The following LRRC47 variants were observed in gnomAD, a reference collection of about 807,000 sequenced individuals.
LRRC47 encodes leucine-rich repeat-containing protein 47.
In LRRC47, 31 loss-of-function variants were observed where a neutral mutation model predicts 40.9. The observed-to-expected ratio is 0.76, with a 90% CI of 0.57 to 1.02. The LOEUF is 1.02. Ranked by LOEUF, LRRC47 falls within the 50% of genes least tolerant of loss-of-function variation. The pLI, the probability that LRRC47 is intolerant of heterozygous loss-of-function variation, is 0.00. For missense variants in LRRC47, 726 were observed against 796.1 expected (o/e 0.91, Z 1.06); for synonymous variants, 427 against 371.9 (o/e 1.15, Z -1.70).
intron 1 of LRRC47, among the ~76,000 whole-genome samples, chr1:3,789,233 G>C (rs549522876): frequency 6.6e-6 from 1 of 152,262 alleles, no homozygotes; most frequent in Non-Finnish European, 1.5e-5. Flanking sequence ...TGGCTCCAGC[G>C]TTAGAACCAG....
At position 3,796,411 on chromosome 1, in the gene LRRC47, C is replaced by T; in HGVS notation, c.66G>A (p.Arg22=). 6.6e-7 allele frequency: 1 copy of T among 1,517,196 alleles called. No homozygotes were observed. The highest frequency in any genetic ancestry group is 8.8e-7 in the Non-Finnish European group (1 of 1,140,288). The allele number at this position is 1,517,196 out of a possible 1,614,324, so 94.0% of individuals were successfully genotyped here. A position where few individuals can be genotyped will look rare whatever the true frequency, so the allele number is the denominator to read the frequency against. Reference sequence around the variant, plus strand: ...GCCCGGGCCCCGTCAGCAGCAGCTCCCGCCGCCGCTCGCGCTCAGCCAGCT... The same window carrying T: ...GCCCGGGCCCCGTCAGCAGCAGCTCTCGCCGCCGCTCGCGCTCAGCCAGCT... The part of the protein sequence containing the change: ...ELELAERERR[R]ELLLTGPGLE... The change falls in exon 1 of 7, where the codon CGG becomes CGA. Residue 22 remains arginine (R), a synonymous_variant. Transcript: ENST00000378251.
Position 3,784,131 on chromosome 1 carries a change from A to G in LRRC47, c.1195-20T>C, listed in dbSNP as rs778414118. 1.3e-6 allele frequency: 2 copies of G among 1,585,930 alleles called. No homozygotes were observed. The highest frequency in any genetic ancestry group is 2.3e-5 in the South Asian group (2 of 87,972). On this transcript the variant is annotated intron_variant, in intron 3 of 6. Coordinates refer to ENST00000378251, the MANE Select transcript of LRRC47 (RefSeq NM_020710.3). ...GACAATCTATCGGGCAGAAACCCAC[A>G]AACTCCACTAGGGTCACAGCCACAG...
chr1:3,782,534 T>G, intron 5 of LRRC47, 127 bp downstream of exon 5: 1 of 662,946 alleles, frequency 1.5e-6, no homozygotes, highest in South Asian at 1.7e-5. Context: ...CCTCAGGTGA[T>G]CCGCCCACCT....
In LRRC47 at chr1:3,795,902, C is replaced by T; in HGVS notation, c.575G>A (p.Arg192Gln). ...GTGGGCGATGTCGGGGCTGAGTTCT[C>T]GGAGGCAGTTGTCAGCAGCCGCCAG... ...SELAAADNCL[R>Q]ELSPDIAHLA... The change falls in exon 1 of 7, where the codon CGA becomes CAA. Residue 192 changes from arginine (R) to glutamine (Q), a missense_variant. Physicochemically the swap from Arg to Gln is conservative, Grantham distance 43 (BLOSUM62 1). Transcript: ENST00000378251. 2.5e-6 allele frequency: 4 copies of T among 1,597,490 alleles called. No homozygotes were observed. The highest frequency in any genetic ancestry group is 1.1e-5 in the South Asian group (1 of 89,836).
intron 1 of LRRC47, among the ~76,000 whole-genome samples, chr1:3,791,328 G>A (rs1417171532): frequency 1.3e-5 from 2 of 152,206 alleles, no homozygotes; most frequent in Non-Finnish European, 2.9e-5. Flanking sequence ...TTCCCTCTTC[G>A]TGTACTGCGT....
chr1:3,795,924 C>T lies in LRRC47; in HGVS notation c.553G>A (p.Ala185Thr). 1 of 1,601,128 alleles carries T rather than the reference C, an allele frequency of 6.2e-7. No homozygotes were observed. The highest frequency in any genetic ancestry group is 8.5e-7 in the Non-Finnish European group (1 of 1,177,412). The change falls in exon 1 of 7, where the codon GCG (alanine) becomes ACG (threonine). Residue 185 changes from alanine to threonine, a missense_variant. Transcript: ENST00000378251. ...TCTCGGAGGCAGTTGTCAGCAGCCG[C>T]CAGTTCACTGAGCAGGGGCAGCGCG... ...PGALPLLSEL[A>T]AADNCLRELS...
At chr1:3,795,385 C>T (rs1047335370) in intron 1 of LRRC47, among the ~76,000 whole-genome samples, 2 of 152,198 alleles carry the variant, frequency 1.3e-5, no homozygotes, top group African/African-American at 4.8e-5. Context: ...ACAGGAATAA[C>T]CACCCCTACC....
In LRRC47 at chr1:3,796,419, G is replaced by T; in HGVS notation, c.58C>A (p.Arg20=). The change falls in exon 1 of 7, where the codon CGG becomes AGG. Residue 20 remains arginine (R), a synonymous_variant. Coordinates refer to ENST00000378251, the MANE Select transcript of LRRC47 (RefSeq NM_020710.3). The stretch of plus-strand genomic sequence containing the variant: ...CCCGTCAGCAGCAGCTCCCGCCGCC[G>T]CTCGCGCTCAGCCAGCTCCAGCTCC... The part of the protein sequence containing the change: ...WPELELAERE[R]RRELLLTGPG... The T allele has an allele frequency of 6.6e-7, 1 of 1,517,702 alleles. No individual in the cohort carries two copies. The highest frequency in any genetic ancestry group is 8.8e-7 in the Non-Finnish European group (1 of 1,140,566). The allele number at this position is 1,517,702 out of a possible 1,614,324, so 94.0% of individuals were successfully genotyped here.
chr1:3,793,343 T>C (rs1480523838), intron 1 of LRRC47, among the ~76,000 whole-genome samples: 2 of 152,192 alleles, frequency 1.3e-5, no homozygotes, highest in East Asian at 3.8e-4. Context: ...TCCGCCTGCC[T>C]CAGCCTCCCA....
At chr1:3,786,159 C>A (rs111754985) in intron 2 of LRRC47, among the ~76,000 whole-genome samples, 1 of 152,038 alleles carries the variant, frequency 6.6e-6, no homozygotes, top group Non-Finnish European at 1.5e-5. Flanking sequence ...CGTGAGCCAC[C>A]GCACCAGCTG....
At chr1:3,788,399 T>C (rs1477113169) in intron 1 of LRRC47, among the ~76,000 whole-genome samples, 1 of 152,178 alleles carries the variant, frequency 6.6e-6, no homozygotes, top group Non-Finnish European at 1.5e-5. Flanking sequence ...GGCAACAGCA[T>C]GTGGGCCCCC....
rs926443409 is a variant in LRRC47, at chr1:3,781,590, C to T, written c.1425G>A (p.Thr475=). ...TTACTTCCAAAAACAAATCAGAAGT[C>T]GTTTTCTTAACCTTAAAAGAAAAAA... ...TNSEKTKVKK[T]TSDLFLEVTS... is the part of the protein sequence containing the mutation. Residue 475 remains threonine, a synonymous_variant, in exon 6 of 7, where the codon ACG becomes ACA. Coordinates refer to ENST00000378251, the MANE Select transcript of LRRC47 (RefSeq NM_020710.3). The T allele has an allele frequency of 2.5e-6, 4 of 1,613,310 alleles. No individual in the cohort carries two copies. The highest frequency in any genetic ancestry group is 3.4e-6 in the Non-Finnish European group (4 of 1,179,566).
At chr1:3,783,314 G>T (rs1643539577) in intron 4 of LRRC47, among the ~76,000 whole-genome samples, 1 of 151,362 alleles carries the variant, frequency 6.6e-6, no homozygotes, top group African/African-American at 2.4e-5. Flanking sequence ...CAGCTACTCG[G>T]GAGGCTGAGG....
At position 3,782,718 on chromosome 1, in the gene LRRC47, C is replaced by T. The variant is rs779425518; in HGVS notation, c.1356G>A (p.Val452=). The T allele has an allele frequency of 6.2e-7, 1 of 1,613,232 alleles. No homozygotes were observed. Among genetic ancestry groups the T allele is most frequent in the Non-Finnish European group, 8.5e-7 (1 of 1,179,142 alleles). Residue 452 remains valine, a synonymous_variant, in exon 5 of 7, where the codon GTG becomes GTA. Coordinates refer to ENST00000378251, the MANE Select transcript of LRRC47 (RefSeq NM_020710.3). ...AGGAAATCACATCACCGTCTGCATC[C>T]ACAAGACACGGGTAATTTTCATTTC... ...LDGNENYPCL[V]DADGDVISFP...
rs1643559810 is a variant in LRRC47 at position 3,785,126 on chromosome 1, C to A, written c.1155G>T (p.Gly385=). The A allele has an allele frequency of 1.2e-6, 2 of 1,600,692 alleles. No homozygotes were observed. The highest frequency in any genetic ancestry group is 1.7e-6 in the Non-Finnish European group (2 of 1,174,056). ...LATHELRAVK[G]PLLYCARPPQ... ...GGGGCCGGGCGCAGTACAGCAGGGG[C>A]CCTTTGACGGCACGGAGCTCGTGGG... The change falls in exon 3 of 7, where the codon GGG becomes GGT. Residue 385 remains glycine, a synonymous_variant. Coordinates refer to ENST00000378251, the MANE Select transcript of LRRC47 (RefSeq NM_020710.3).
chr1:3,787,623 A>G (rs944525828), intron 1 of LRRC47, among the ~76,000 whole-genome samples: 6 of 152,244 alleles, frequency 3.9e-5, no homozygotes. Flanking sequence ...CTGCAGCTCA[A>G]TCATCACGTT....
intron 1 of LRRC47, among the ~76,000 whole-genome samples, chr1:3,792,134 T>G (rs184896353): frequency 1.8e-3 from 275 of 152,332 alleles, no homozygotes; most frequent in Admixed American, 3.1e-3. Flanking sequence ...ATCAAATGCA[T>G]TTGCCTTTGT....
In LRRC47 at chr1:3,786,927, C is replaced by T. The variant is rs780560893; in HGVS notation, c.999G>A (p.Arg333=). The change falls in exon 2 of 7, where the codon CGG becomes CGA. Residue 333 remains arginine (R), a synonymous_variant. Transcript: ENST00000378251. ...GCACCACGGCCCCCACAATGTAGGG[C>T]CGCACATCCCGGACCTCGGGGCTCA... ...VRVSPEVRDV[R]PYIVGAVVRG... is the part of the protein sequence containing the mutation. The T allele has an allele frequency of 1.9e-6, 3 of 1,607,306 alleles. No homozygotes were observed. Among genetic ancestry groups the T allele is most frequent in the African/African-American group, 2.7e-5 (2 of 74,756 alleles).
intron 5 of LRRC47, among the ~76,000 whole-genome samples, chr1:3,782,300 C>T (rs907603402): frequency 5.3e-5 from 8 of 151,974 alleles, no homozygotes; most frequent in African/African-American, 1.7e-4. Context: ...TCACTGCAAC[C>T]TCTGTCTCCT....
Sources: gnomAD v4.1 joint callset for allele counts (sites outside exome capture counted in the v4.1 genomes callset) on GRCh38, gnomAD v4.1.1 for gene constraint, MANE v1.5 for transcripts, NCBI Gene and HGNC (gene_info 2026-07-23, HGNC 2026-07-21) for gene names.